Variants in NDUFV2 observed in about 807,000 individuals in gnomAD.
NDUFV2 encodes the protein NADH:ubiquinone oxidoreductase core subunit V2.
In NDUFV2, 18 loss-of-function variants were observed where a neutral mutation model predicts 31.6. The observed-to-expected ratio is 0.57, with a 90% CI of 0.39 to 0.84. NDUFV2 has a LOEUF of 0.84. NDUFV2 is among the 40% of genes least tolerant of loss of function. The pLI, the probability that NDUFV2 is intolerant of heterozygous loss-of-function variation, is 0.00. For missense variants in NDUFV2, 314 were observed against 303.6 expected (o/e 1.03, Z -0.26); for synonymous variants, 83 against 99.8 (o/e 0.83, Z 1.01).
chr18:9,109,900 G>GA lies in NDUFV2; in HGVS notation c.54+7112dup, dbSNP rs77620232. On this transcript the variant is annotated intron_variant, in intron 1 of 7. Transcript: ENST00000318388. ...TCTTTTCTTTTCCTTCTGAAACACTGAAAAAAAAATAAGCTAGAATTCAAA... is the reference window on the plus strand; with the variant it reads ...TCTTTTCTTTTCCTTCTGAAACACTGAAAAAAAAAATAAGCTAGAATTCAAA... Among the ~76,000 whole-genome samples the GA allele has an allele frequency of 5.5e-3, 828 of 150,128 alleles. 54 individuals are homozygous for GA. In the East Asian group the frequency reaches 0.14, roughly 25 times the overall value.
rs1165076661 is a variant in NDUFV2 at position 9,113,334 on chromosome 18, A to G, written c.55-4504A>G. On this transcript the variant is annotated intron_variant, in intron 1 of 7. Coordinates refer to ENST00000318388, the MANE Select transcript of NDUFV2 (RefSeq NM_021074.5). ...TCTGTTGAGATATTTTGATAGAAAA[A>G]GCAGTAAAAAATGGAAACTGGCACA... is the stretch of plus-strand genomic sequence containing the variant. Among the ~76,000 whole-genome samples, 4 of 152,344 alleles carry G rather than the reference A, an allele frequency of 2.6e-5. No individual in the cohort carries two copies. The South Asian group carries it at 8.3e-4, about 32-fold the overall frequency.
At chr18:9,120,045 A>G (rs79325873) in intron 4 of NDUFV2, among the ~76,000 whole-genome samples, 9,722 of 152,252 alleles carry the variant, frequency 0.064, 329 homozygotes, top group Non-Finnish European at 0.079. Context: ...CAATTTGATT[A>G]TGCTACTTTG....
At chr18:9,104,319 G>A in intron 1 of NDUFV2, 7 of 1,594,506 alleles carry the variant, frequency 4.4e-6, no homozygotes, top group Non-Finnish European at 6.0e-6. Context: ...TTTAGAGGCC[G>A]TCAGGAGTCA....
At chr18:9,130,751 G>A (rs962838593) in intron 7 of NDUFV2, among the ~76,000 whole-genome samples, 3 of 152,106 alleles carry the variant, frequency 2.0e-5, no homozygotes, top group Non-Finnish European at 2.9e-5. Flanking sequence ...CTAATTGTGC[G>A]TCTCTGTAAT....
chr18:9,107,951 A>G (rs924055412), intron 1 of NDUFV2, among the ~76,000 whole-genome samples: 1 of 152,336 alleles, frequency 6.6e-6, no homozygotes, highest in South Asian at 2.1e-4. Flanking sequence ...CTAGCTACAT[A>G]TACAAAGACA....
At chr18:9,113,813 G>A (rs2077883492) in intron 1 of NDUFV2, among the ~76,000 whole-genome samples, 1 of 152,188 alleles carries the variant, frequency 6.6e-6, no homozygotes, top group African/African-American at 2.4e-5. Flanking sequence ...TTAGAGTTGT[G>A]AGCCCCTAAA....
chr18:9,106,652 T>C (rs1339509283), intron 1 of NDUFV2, among the ~76,000 whole-genome samples: 1 of 152,204 alleles, frequency 6.6e-6, no homozygotes, highest in Non-Finnish European at 1.5e-5. Flanking sequence ...AGTTTTTTAT[T>C]CCTGCTGTAA....
intron 6 of NDUFV2, among the ~76,000 whole-genome samples, chr18:9,126,110 C>T (rs2077988351): frequency 6.6e-6 from 1 of 152,176 alleles, no homozygotes; most frequent in African/African-American, 2.4e-5. Flanking sequence ...AGGAATTAGA[C>T]AGTCAAGGCT....
intron 4 of NDUFV2, 39 bp downstream of exon 4, chr18:9,119,629 A>C: frequency 6.8e-7 from 1 of 1,475,690 alleles, no homozygotes; most frequent in Non-Finnish European, 9.5e-7. Flanking sequence ...AAAAGAGAAG[A>C]GATTGTGTAT....
intron 4 of NDUFV2, chr18:9,121,304 G>C (rs987060005): frequency 5.3e-5 from 8 of 152,084 alleles, no homozygotes; most frequent in African/African-American, 1.7e-4. Context: ...CGTCACTAAG[G>C]TGTAGGGAGA....
intron 1 of NDUFV2, among the ~76,000 whole-genome samples, chr18:9,105,748 C>T (rs1056880255): frequency 6.6e-6 from 1 of 152,148 alleles, no homozygotes; most frequent in Non-Finnish European, 1.5e-5. Context: ...CATTTTCATA[C>T]AGTTGTAAAG....
chr18:9,128,717 C>T (rs1322237491), intron 7 of NDUFV2, among the ~76,000 whole-genome samples: 3 of 152,150 alleles, frequency 2.0e-5, no homozygotes, highest in Admixed American at 2.0e-4. Context: ...TTTCCACAAG[C>T]TTCATCTGCT....
chr18:9,124,098 C>T (rs934040573), intron 5 of NDUFV2, among the ~76,000 whole-genome samples: 1 of 151,818 alleles, frequency 6.6e-6, no homozygotes, highest in Non-Finnish European at 1.5e-5. Context: ...TAACAGTAAA[C>T]ACTGGTGATA....
intron 1 of NDUFV2, among the ~76,000 whole-genome samples, chr18:9,114,056 A>G (rs1361310421): frequency 6.6e-6 from 1 of 152,180 alleles, no homozygotes; most frequent in Admixed American, 6.5e-5. Flanking sequence ...CTTTTGCCCC[A>G]GGAGAAGGTA....
intron 1 of NDUFV2, chr18:9,103,799 C>G (rs35002591): frequency 0.11 from 19,169 of 174,184 alleles, 1,235 homozygotes; most frequent in African/African-American, 0.16. Flanking sequence ...CATTTGAAGT[C>G]TTACTGTACG....
intron 1 of NDUFV2, among the ~76,000 whole-genome samples, chr18:9,109,591 T>C (rs2077859526): frequency 6.6e-6 from 1 of 152,234 alleles, no homozygotes; most frequent in Non-Finnish European, 1.5e-5. Flanking sequence ...TTTTGAGCTA[T>C]TGGTATTGCC....
Position 9,102,760 on chromosome 18 carries a change from C to T in NDUFV2, c.17C>T (p.Ala6Val), listed in dbSNP as rs559485096. The T allele has an allele frequency of 5.0e-6, 8 of 1,587,368 alleles. No individual in the cohort carries two copies. Among genetic ancestry groups the T allele is most frequent in the South Asian group, 1.1e-5 (1 of 87,398 alleles). Reference protein sequence around the residue: MFFSAALRARAAGLTA... With the variant: MFFSAVLRARAAGLTA... ...TGGCCCGCCATGTTCTTCTCCGCGG[C>T]GCTCCGGGCCCGGGCGGCTGGCCTC... is the stretch of plus-strand genomic sequence containing the variant. The change falls in exon 1 of 8, where the codon GCG becomes GTG. Residue 6 changes from alanine (A) to valine (V), a missense_variant. Coordinates refer to ENST00000318388, the MANE Select transcript of NDUFV2 (RefSeq NM_021074.5).
intron 1 of NDUFV2, among the ~76,000 whole-genome samples, chr18:9,115,367 A>G (rs1403130876): frequency 6.6e-6 from 1 of 151,734 alleles, no homozygotes; most frequent in Non-Finnish European, 1.5e-5. Flanking sequence ...GATTATTTTT[A>G]CGACATATTT....
chr18:9,113,336 CAG>C (rs1425135326), intron 1 of NDUFV2, among the ~76,000 whole-genome samples: 1 of 152,124 alleles, frequency 6.6e-6, no homozygotes, highest in Admixed American at 6.6e-5. Context: ...ATAGAAAAAG[CAG>C]TAAAAAATGG....
Sources: allele counts gnomAD v4.1 joint callset (sites outside exome capture counted in the v4.1 genomes callset), GRCh38; gene constraint gnomAD v4.1.1; transcripts MANE v1.5; gene names NCBI Gene and HGNC (gene_info 2026-07-23, HGNC 2026-07-21).